Variants in FGF13 observed in about 807,000 individuals in gnomAD.
The protein encoded by FGF13 is fibroblast growth factor homologous factor 2.
In FGF13, 2 loss-of-function variants were observed where a neutral mutation model predicts 19.5. The ratio of observed to expected loss-of-function variants is 0.10; its 90% confidence interval spans 0.04 to 0.32. The LOEUF is 0.32. Ranked by LOEUF, FGF13 falls within the 10% of genes least tolerant of loss-of-function variation. FGF13 has a pLI of 1.00. For synonymous variants in FGF13, 72 were observed against 76.9 expected, an observed-to-expected ratio of 0.94 and a Z score of 0.33; for missense variants, 113 against 192.7, an observed-to-expected ratio of 0.59 and a Z score of 2.45.
intron 1 of FGF13, among the ~76,000 whole-genome samples, chrX:138,962,924 A>C (rs2091880162): frequency 8.9e-6 from 1 of 111,773 alleles, no homozygotes; most frequent in African/African-American, 3.3e-5. Context: ...CAGCACACCA[A>C]CATGGCACAT....
intron 3 of FGF13, among the ~76,000 whole-genome samples, chrX:138,843,952 T>A (rs1310458735): frequency 8.9e-6 from 1 of 111,804 alleles, no homozygotes; most frequent in African/African-American, 3.2e-5. Context: ...AAATCCTAGA[T>A]AAAAACTTAG....
At chrX:139,174,605 T>A (rs1423500460) in intron 1 of FGF13, among the ~76,000 whole-genome samples, 1 of 112,266 alleles carries the variant, frequency 8.9e-6, no homozygotes, top group Non-Finnish European at 1.9e-5. Context: ...GTTTCAGTTT[T>A]CTGCATATGG....
upstream of FGF13, among the ~76,000 whole-genome samples, chrX:138,740,753 A>G (rs1400441274): frequency 8.9e-6 from 1 of 112,417 alleles, no homozygotes; most frequent in Non-Finnish European, 1.9e-5. Flanking sequence ...GCAGCGGCAA[A>G]GGGCCATGCT....
chrX:138,841,605 T>G (rs757815819), intron 3 of FGF13, among the ~76,000 whole-genome samples: 2 of 110,636 alleles, frequency 1.8e-5, no homozygotes, highest in Non-Finnish European at 3.8e-5. Flanking sequence ...TGAGGACACT[T>G]TACTACGATA....
rs2089060439 is a variant in FGF13, at chrX:138,625,994, T to C, written c.*6856A>G. The C allele has an allele frequency of 1.8e-5, 2 of 111,605 alleles. No homozygotes were observed. The highest frequency in any genetic ancestry group is 6.5e-5 in the African/African-American group (2 of 30,674). 9.2% of individuals were successfully genotyped at this position (111,605 alleles called of 1,213,427 possible). A position where few individuals can be genotyped will look rare whatever the true frequency, so the allele number is the denominator to read the frequency against. ...CGAAAAGGAGGAATTAGTAGGGCAA[T>C]CTTCTATAGCCTAATAGGCAAGGTT... On this transcript the variant is annotated 3_prime_UTR_variant, in exon 5 of 5. Coordinates refer to ENST00000315930, the MANE Select transcript of FGF13 (RefSeq NM_004114.5).
intron 1 of FGF13, among the ~76,000 whole-genome samples, chrX:139,111,621 A>C (rs2083602040): frequency 8.9e-6 from 1 of 111,797 alleles, no homozygotes. Context: ...TTGCAGTGCC[A>C]CAGAAAATGT....
At chrX:138,961,618 C>G (rs1405548950) in intron 1 of FGF13, among the ~76,000 whole-genome samples, 3 of 111,964 alleles carry the variant, frequency 2.7e-5, no homozygotes, top group Non-Finnish European at 5.6e-5. Flanking sequence ...GTAAGCAAAA[C>G]AGCATGGTAC....
chrX:139,181,411 T>C (rs188646197), intron 1 of FGF13, among the ~76,000 whole-genome samples: 1 of 112,978 alleles, frequency 8.9e-6, no homozygotes, highest in Non-Finnish European at 1.9e-5. Flanking sequence ...ACTTCTGCCA[T>C]AGCAATCTCC....
intron 1 of FGF13, among the ~76,000 whole-genome samples, chrX:139,103,989 C>A (rs779916843): frequency 1.2e-4 from 13 of 111,445 alleles, no homozygotes; most frequent in Middle Eastern, 4.2e-3. Flanking sequence ...CACTAAGTAA[C>A]AGTGACCTGG....
At chrX:139,010,595 C>A (rs758103574) in intron 1 of FGF13, among the ~76,000 whole-genome samples, 5 of 111,485 alleles carry the variant, frequency 4.5e-5, no homozygotes, top group African/African-American at 9.8e-5. Context: ...TTAAAAAATT[C>A]TTTGAATTGA....
intron 1 of FGF13, among the ~76,000 whole-genome samples, chrX:139,013,566 A>C (rs1223712571): frequency 4.0e-5 from 4 of 100,143 alleles, no homozygotes; most frequent in African/African-American, 1.5e-4. Context: ...AAAGGAATGA[A>C]ATATTGGCAT....
At chrX:138,652,724 G>T (rs758458995) in intron 3 of FGF13, among the ~76,000 whole-genome samples, 7 of 111,888 alleles carry the variant, frequency 6.3e-5, no homozygotes, top group Non-Finnish European at 5.6e-5. Context: ...AAACCTTTAT[G>T]AATACTCTTT....
chrX:139,115,533 C>T (rs1207076675), intron 1 of FGF13, among the ~76,000 whole-genome samples: 2 of 111,520 alleles, frequency 1.8e-5, no homozygotes, highest in Non-Finnish European at 1.9e-5. Context: ...GAGCCCCATT[C>T]CAACTCTGGA....
At chrX:138,798,948 C>T (rs1328312182) in intron 3 of FGF13, among the ~76,000 whole-genome samples, 1 of 110,874 alleles carries the variant, frequency 9.0e-6, no homozygotes, top group East Asian at 2.9e-4. Flanking sequence ...TTTGATTCTT[C>T]TCTCTGTTCT....
chrX:139,185,057 A>G (rs2084272187), intron 1 of FGF13, among the ~76,000 whole-genome samples: 1 of 112,151 alleles, frequency 8.9e-6, no homozygotes, highest in Non-Finnish European at 1.9e-5. Flanking sequence ...TTTGTTTTGC[A>G]CTGGAACAAA....
At chrX:138,644,947 AC>A (rs2089290616) in intron 3 of FGF13, among the ~76,000 whole-genome samples, 1 of 111,760 alleles carries the variant, frequency 8.9e-6, no homozygotes, top group Admixed American at 9.5e-5. Context: ...AAAGAGAGGA[AC>A]CTTTTTTATG....
intron 3 of FGF13, among the ~76,000 whole-genome samples, chrX:138,799,763 T>C (rs888687390): frequency 1.8e-5 from 2 of 111,885 alleles, no homozygotes; most frequent in African/African-American, 6.5e-5. Context: ...TATATGCACC[T>C]ATATTGGGTG....
intron 1 of FGF13, among the ~76,000 whole-genome samples, chrX:139,024,068 A>G (rs1174491255): frequency 9.0e-6 from 1 of 110,989 alleles, no homozygotes; most frequent in Non-Finnish European, 1.9e-5. Context: ...CCATTAAAAC[A>G]ATTTTTTTTT....
chrX:139,161,770 A>G (rs1176159647), intron 1 of FGF13, among the ~76,000 whole-genome samples: 1 of 111,902 alleles, frequency 8.9e-6, no homozygotes, highest in East Asian at 2.8e-4. Context: ...AGACAAACAG[A>G]GAGCCAAGTC....
Sources: gnomAD v4.1 joint callset for allele counts (sites outside exome capture counted in the v4.1 genomes callset) on GRCh38, gnomAD v4.1.1 for gene constraint, MANE v1.5 for transcripts, NCBI Gene and HGNC (gene_info 2026-07-23, HGNC 2026-07-21) for gene names.